The following LAMA5 variants were observed in gnomAD, a reference collection of about 807,000 sequenced individuals.
The protein encoded by LAMA5 is laminin subunit alpha-5.
Under a neutral mutation model 433.4 loss-of-function variants are expected in LAMA5, and 260 were observed. The observed-to-expected ratio is 0.60, with a 90% CI of 0.54 to 0.66. The LOEUF is 0.66. LAMA5 is among the 30% of genes least tolerant of loss of function. The probability of loss-of-function intolerance (pLI) is 0.00; values close to 1 mark genes in which losing one functional copy is unlikely to be tolerated. For synonymous variants in LAMA5, 2,620 were observed against 2,226.6 expected, an observed-to-expected ratio of 1.18 and a Z score of -4.97; for missense variants, 5,378 against 5,258.5, an observed-to-expected ratio of 1.02 and a Z score of -0.70.
At chr20:62,311,121 C>G (rs768695494) in intron 73 of LAMA5, 27 bp from the exon 74 acceptor site, 1 of 1,562,650 alleles carries the variant, frequency 6.4e-7, no homozygotes, top group Non-Finnish European at 8.7e-7. Context: ...CGTCAGCCTG[C>G]GCGGCCCCTC....
chr20:62,311,547 C>G lies in LAMA5; in HGVS notation c.9807-11G>C. On this transcript the variant is annotated splice_polypyrimidine_tract_variant and intron_variant, in intron 71 of 79. Transcript: ENST00000252999. ...TGTGGGCCCAGGAGCCTGTGCAGGGCGGGCAGGCGGTCAGCAGCTGCGGAA... is the reference window on the plus strand; with the variant it reads ...TGTGGGCCCAGGAGCCTGTGCAGGGGGGGCAGGCGGTCAGCAGCTGCGGAA... The G allele has an allele frequency of 1.2e-6, 2 of 1,609,424 alleles. No homozygotes were observed. The highest frequency in any genetic ancestry group is 1.7e-6 in the Non-Finnish European group (2 of 1,177,992).
rs561327885 is a variant in LAMA5, at chr20:62,311,186, C to A, written c.10064G>T (p.Gly3355Val). Reference sequence around the variant, plus strand: ...CCAGTTCCTATGTCGGGCCAGGATGCCCACAAACTCCAGGTGACTGGACAG... The same window carrying A: ...CCAGTTCCTATGTCGGGCCAGGATGACCACAAACTCCAGGTGACTGGACAG... ...GSLSSHLEFV[G>V]ILARHRNWPS... is the part of the protein sequence containing the mutation. The change falls in exon 73 of 80, where the codon GGC becomes GTC. Residue 3355 changes from glycine to valine, a missense_variant. Coordinates refer to ENST00000252999, the MANE Select transcript of LAMA5 (RefSeq NM_005560.6). The A allele has an allele frequency of 6.2e-7, 1 of 1,605,358 alleles. No individual in the cohort carries two copies. Among genetic ancestry groups the A allele is most frequent in the East Asian group, 2.2e-5 (1 of 44,828 alleles).
rs1325419134 is a variant in LAMA5 at position 62,335,242 on chromosome 20, A to C, written c.2351T>G (p.Leu784Arg). The change falls in exon 19 of 80, where the codon CTG becomes CGG. Residue 784 changes from leucine to arginine, a missense_variant. By Grantham distance (102) the Leu-to-Arg change is moderately radical. Coordinates refer to ENST00000252999, the MANE Select transcript of LAMA5 (RefSeq NM_005560.6). ...TRCSCDLRGT[L>R]GGVAECQPGT... ...CGGCTGGCACTCAGCAACTCCACCC[A>C]GTGTGCCCCTGAGGTCGCAGCTGCA... 2 of 1,612,346 alleles carry C rather than the reference A, an allele frequency of 1.2e-6. No homozygotes were observed. The highest frequency in any genetic ancestry group is 2.7e-5 in the African/African-American group (2 of 74,752).
At chr20:62,323,049 T>C (rs1463052737) in intron 45 of LAMA5, among the ~76,000 whole-genome samples, 5 of 78,970 alleles carry the variant, frequency 6.3e-5, no homozygotes, top group Non-Finnish European at 1.2e-4. Context: ...GGACTGATTG[T>C]GGGGGGAGAG....
chr20:62,356,978 C>T lies in LAMA5; in HGVS notation c.451-3727G>A, dbSNP rs528884299. Among the ~76,000 whole-genome samples the T allele has an allele frequency of 4.6e-5, 7 of 152,336 alleles. No individual in the cohort carries two copies. In the East Asian group the frequency reaches 1.4e-3, roughly 29 times the overall value. ...GACTGAGTAGGTGCTAGGGTCTGGG[C>T]AGCACGGTGAGGACTACAGAGAAAC... On this transcript the variant is annotated intron_variant, in intron 2 of 79. Coordinates refer to ENST00000252999, the MANE Select transcript of LAMA5 (RefSeq NM_005560.6).
In LAMA5 at chr20:62,314,713, T is replaced by G. The variant is rs201506602; in HGVS notation, c.8209A>C (p.Met2737Leu). The G allele has an allele frequency of 3.7e-6, 6 of 1,612,556 alleles. No homozygotes were observed. The highest frequency in any genetic ancestry group is 5.1e-6 in the Non-Finnish European group (6 of 1,179,840). ...ACCCCTGAGCGCCCGTTGAACTTCA[T>G]GGGCACCTTGACCTGCGGGGCACGG... ...RGAASKVKVPMKFNGRSGVQL... is the reference protein window; with the variant it reads ...RGAASKVKVPLKFNGRSGVQL... The change falls in exon 61 of 80, where the codon ATG becomes CTG. Residue 2737 changes from methionine (M) to leucine (L), a missense_variant. By Grantham distance (15) the Met-to-Leu change is conservative (BLOSUM62 2). Transcript: ENST00000252999.
At chr20:62,328,490 G>T in intron 34 of LAMA5, 45 bp from the exon 35 acceptor site, 5 of 1,444,350 alleles carry the variant, frequency 3.5e-6, no homozygotes, top group Non-Finnish European at 4.6e-6. Flanking sequence ...TCCCAGTCCC[G>T]CCCCTCTCAG....
intron 32 of LAMA5, 30 bp from the exon 33 acceptor site, chr20:62,329,283 C>T (rs199565516): frequency 2.0e-5 from 31 of 1,547,374 alleles, no homozygotes; most frequent in Middle Eastern, 1.7e-4. Context: ...CACTCTCCCG[C>T]GGGCCCAGAG....
intron 1 of LAMA5, among the ~76,000 whole-genome samples, chr20:62,363,255 G>A (rs1022381254): frequency 1.3e-5 from 2 of 152,192 alleles, no homozygotes; most frequent in Admixed American, 6.5e-5. Flanking sequence ...GTGGACAGCG[G>A]CAGGTGGGCC....
Position 62,318,502 on chromosome 20 carries a change from C to G in LAMA5, c.7191G>C (p.Glu2397Asp), listed in dbSNP as rs774395699. Reference sequence around the variant, plus strand: ...GGTTGCGGCTGTTGAGCTCCTGGGCCTCCCGTGTGGCGTCCACTGCCCGGT... The same window carrying G: ...GGTTGCGGCTGTTGAGCTCCTGGGCGTCCCGTGTGGCGTCCACTGCCCGGT... Reference protein sequence around the residue: ...ALNRAVDATREAQELNSRNQE... With the variant: ...ALNRAVDATRDAQELNSRNQE... Residue 2397 changes from glutamate to aspartate, a missense_variant, in exon 53 of 80, where the codon GAG (glutamate) becomes GAC (aspartate). By Grantham distance (45) the Glu-to-Asp change is conservative. Coordinates refer to ENST00000252999, the MANE Select transcript of LAMA5 (RefSeq NM_005560.6). 1.3e-5 allele frequency: 21 copies of G among 1,608,734 alleles called. No homozygotes were observed. Among genetic ancestry groups the G allele is most frequent in the South Asian group, 2.2e-5 (2 of 91,058 alleles).
chr20:62,362,293 G>T, intron 2 of LAMA5, 107 bp downstream of exon 2: 1 of 1,156,864 alleles, frequency 8.6e-7, no homozygotes, highest in Non-Finnish European at 1.1e-6. Flanking sequence ...CAGGCCCCAG[G>T]TCTCGCTCAC....
chr20:62,365,837 G>C (rs1208971318), intron 1 of LAMA5, among the ~76,000 whole-genome samples: 1 of 152,182 alleles, frequency 6.6e-6, no homozygotes, highest in Non-Finnish European at 1.5e-5. Context: ...CTGGGCTTAA[G>C]GAGAGAACGG....
intron 5 of LAMA5, 38 bp from the exon 6 acceptor site, chr20:62,351,839 CCTCA>C (rs1984352539): frequency 6.3e-7 from 1 of 1,582,540 alleles, no homozygotes; most frequent in Admixed American, 1.8e-5. Context: ...GGCGGCCAGG[CCTCA>C]CTCACCCTGA....
At chr20:62,331,960 G>A (rs1232352731) in intron 28 of LAMA5, among the ~76,000 whole-genome samples, 5 of 151,986 alleles carry the variant, frequency 3.3e-5, no homozygotes, top group African/African-American at 1.2e-4. Flanking sequence ...ACTGAGGCAC[G>A]AGAATCGCTT....
chr20:62,314,527 G>A (rs1424379961), intron 61 of LAMA5, 28 bp downstream of exon 61: 3 of 1,605,492 alleles, frequency 1.9e-6, no homozygotes, highest in East Asian at 2.2e-5. Flanking sequence ...CCTGAGCTCG[G>A]GCCGCATCCA....
Position 62,318,643 on chromosome 20 carries a change from G to T in LAMA5, c.7050C>A (p.Ala2350=). 6.2e-7 allele frequency: 1 copy of T among 1,610,002 alleles called. No homozygotes were observed. The change falls in exon 53 of 80, where the codon GCC becomes GCA. Residue 2350 remains alanine, a synonymous_variant. Coordinates refer to ENST00000252999, the MANE Select transcript of LAMA5 (RefSeq NM_005560.6). ...GGCTGCTCAGCTGCTCCTGCACCCG[G>T]GCCAGCACTAGCCGAGACCAGGGTG... is the stretch of plus-strand genomic sequence containing the variant. The part of the protein sequence containing the change: ...AELAAAQRLL[A]RVQEQLSSLW...
intron 2 of LAMA5, 97 bp downstream of exon 2, chr20:62,362,303 C>A: frequency 8.1e-7 from 1 of 1,228,980 alleles, no homozygotes; most frequent in African/African-American, 1.6e-5. Context: ...GTCTCGCTCA[C>A]GGTGGAGACC....
At chr20:62,331,660 G>A (rs951929825) in intron 28 of LAMA5, among the ~76,000 whole-genome samples, 9 of 152,206 alleles carry the variant, frequency 5.9e-5, no homozygotes, top group Admixed American at 2.0e-4. Flanking sequence ...CTCCCTTTCC[G>A]TGCGGCCATG....
intron 7 of LAMA5, 33 bp downstream of exon 7, chr20:62,346,880 G>T: frequency 6.2e-7 from 1 of 1,608,876 alleles, no homozygotes; most frequent in Non-Finnish European, 8.5e-7. Context: ...CAGGGTGTGG[G>T]CAGGACACAC....
Sources: gnomAD v4.1 joint callset for allele counts (sites outside exome capture counted in the v4.1 genomes callset) on GRCh38, gnomAD v4.1.1 for gene constraint, MANE v1.5 for transcripts, NCBI Gene and HGNC (gene_info 2026-07-23, HGNC 2026-07-21) for gene names.